AKAP12: variants seen among roughly 807,000 people sequenced by gnomAD.
The protein encoded by AKAP12 is A-kinase anchoring protein 12.
AKAP12 carries 32 observed loss-of-function variants against 79.9 expected under a neutral mutation model. The ratio of observed to expected loss-of-function variants is 0.40; its 90% CI spans 0.30 to 0.54. The LOEUF is 0.54. Among genes scored for constraint, AKAP12 ranks in the 20% least tolerant of loss-of-function variants. The pLI is 0.48. For synonymous variants in AKAP12, 808 were observed against 857.0 expected (o/e 0.94, Z 1.00); for missense variants, 2,074 against 2,177.0 (o/e 0.95, Z 0.94).
intron 2 of AKAP12, among the ~76,000 whole-genome samples, chr6:151,273,265 G>C (rs1284575851): frequency 1.3e-5 from 2 of 152,200 alleles, no homozygotes; most frequent in East Asian, 3.9e-4. Context: ...ATGGTGCGGT[G>C]ATAGTGAGTC....
intron 3 of AKAP12, among the ~76,000 whole-genome samples, chr6:151,319,304 A>G (rs1777307284): frequency 6.6e-6 from 1 of 151,866 alleles, no homozygotes; most frequent in Non-Finnish European, 1.5e-5. Context: ...ATATTTATCT[A>G]TGTGCATAGC....
intron 2 of AKAP12, among the ~76,000 whole-genome samples, chr6:151,268,950 T>TTTTTTG (rs1776114891): frequency 1.9e-5 from 1 of 52,216 alleles, no homozygotes; most frequent in African/African-American, 1.2e-4. Flanking sequence ...GGCCTGTTTT[T>TTTTTTG]TTTTTTTTTT....
chr6:151,343,213 G>A lies in AKAP12; in HGVS notation c.320-5498G>A, dbSNP rs369123487. Reference sequence around the variant, plus strand: ...AGAGTGGAGGGAAAATAGTGAGGGGGAAATGGTTGTGTGACACCAGCTTTC... The same window carrying A: ...AGAGTGGAGGGAAAATAGTGAGGGGAAAATGGTTGTGTGACACCAGCTTTC... On this transcript the variant is annotated intron_variant, in intron 3 of 4. Transcript: ENST00000402676. Among the ~76,000 whole-genome samples, 70 of 152,244 alleles carry A rather than the reference G, an allele frequency of 4.6e-4. 1 individual carries two copies. The South Asian group carries it at 0.014, about 31-fold the overall frequency.
intron 2 of AKAP12, among the ~76,000 whole-genome samples, chr6:151,278,239 G>A (rs558485018): frequency 1.2e-4 from 19 of 152,104 alleles, no homozygotes; most frequent in African/African-American, 3.4e-4. Flanking sequence ...TTTTTGAGAC[G>A]GAGTCTCACT....
Position 151,352,598 on chromosome 6 carries a change from G to A in AKAP12, c.4207G>A (p.Glu1403Lys). ...AAGCCCTCCTCCCTGCCTAGGTCAA[G>A]AGGAGGCAGTATGCACCAAAATTCA... is the stretch of plus-strand genomic sequence containing the variant. ...EGSPPPCLGQ[E>K]EAVCTKIQVQ... The change falls in exon 4 of 5, where the codon GAG becomes AAG. Residue 1403 changes from glutamate (E) to lysine (K), a missense_variant. Glu to Lys is a moderately conservative substitution (Grantham distance 56, BLOSUM62 1). This residue lies in a region of AKAP12 where 614 missense variants were observed against 665.6 expected (regional missense o/e 0.92). Transcript: ENST00000402676. 6.2e-7 allele frequency: 1 copy of A among 1,614,200 alleles called. No individual in the cohort carries two copies. Among genetic ancestry groups the A allele is most frequent in the South Asian group, 1.1e-5 (1 of 91,080 alleles).
Position 151,352,008 on chromosome 6 carries a change from CAG to C in AKAP12, c.3618_3619del (p.Gly1208HisfsTer26). 5 of 1,614,036 alleles carry C rather than the reference CAG, an allele frequency of 3.1e-6. No individual in the cohort carries two copies. Among genetic ancestry groups the C allele is most frequent in the Non-Finnish European group, 4.2e-6 (5 of 1,180,024 alleles). On this transcript the variant is annotated frameshift_variant, in exon 4 of 5. Coordinates refer to ENST00000402676, the MANE Select transcript of AKAP12 (RefSeq NM_005100.4). LOFTEE classifies it low-confidence loss of function (END_TRUNC). ...AATGAGGTCGCATCTGGTACCCAGT[CAG>C]GGGGCACAGAAGCAGAGGCAGTTCC...
intron 3 of AKAP12, among the ~76,000 whole-genome samples, chr6:151,328,598 C>T (rs971277284): frequency 4.0e-5 from 6 of 149,104 alleles, no homozygotes; most frequent in Non-Finnish European, 7.4e-5. Flanking sequence ...GATTGTGCCA[C>T]TGCACTCCAG....
Position 151,240,649 on chromosome 6 carries a change from C to T in AKAP12, c.87C>T (p.Gly29=). ...CGCCGGCTGAGCCCGAGCCCAGCGG[C>T]GGCGGCCCCTCGGCCGAGGCGGCGC... The part of the protein sequence containing the change: ...SSTPAEPEPS[G]GGPSAEAAPD... The change falls in exon 2 of 5, where the codon GGC becomes GGT. Residue 29 remains glycine, a synonymous_variant. Transcript: ENST00000402676. The T allele has an allele frequency of 3.0e-6, 4 of 1,334,032 alleles. No individual in the cohort carries two copies. The highest frequency in any genetic ancestry group is 3.8e-6 in the Non-Finnish European group (4 of 1,046,236). The allele number at this position is 1,334,032 out of a possible 1,614,324, so 82.6% of individuals were successfully genotyped here.
chr6:151,290,493 C>G (rs933749199), intron 2 of AKAP12, among the ~76,000 whole-genome samples: 1 of 152,156 alleles, frequency 6.6e-6, no homozygotes, highest in African/African-American at 2.4e-5. Context: ...AGCAGATTGA[C>G]CCCTGACAAT....
Position 151,352,825 on chromosome 6 carries a change from C to G in AKAP12, c.4434C>G (p.Asp1478Glu), listed in dbSNP as rs535845390. ...AAGATGCTGTGCCCACAGGGCCCGA[C>G]TGTCAGGCAAAATCGACACCAGTGA... is the stretch of plus-strand genomic sequence containing the variant. The part of the protein sequence containing the change: ...PGEDAVPTGP[D>E]CQAKSTPVIV... The change falls in exon 4 of 5, where the codon GAC becomes GAG. Residue 1478 changes from aspartate to glutamate, a missense_variant. By Grantham distance (45) the Asp-to-Glu change is conservative. Around this residue, in one of 3 missense-constraint regions of AKAP12, gnomAD observed 614 missense variants for 665.6 expected, o/e 0.92. Transcript: ENST00000402676. The G allele has an allele frequency of 6.2e-7, 1 of 1,614,210 alleles. No homozygotes were observed. The highest frequency in any genetic ancestry group is 1.3e-5 in the African/African-American group (1 of 75,046).
At chr6:151,333,584 C>G (rs1421545125) in intron 3 of AKAP12, among the ~76,000 whole-genome samples, 1 of 151,842 alleles carries the variant, frequency 6.6e-6, no homozygotes, top group Non-Finnish European at 1.5e-5. Flanking sequence ...AACTCTGTTT[C>G]TACTAAAAAT....
chr6:151,332,018 T>C (rs1777685152), intron 3 of AKAP12, among the ~76,000 whole-genome samples: 1 of 135,784 alleles, frequency 7.4e-6, no homozygotes, highest in Non-Finnish European at 1.5e-5. Context: ...GAGTAGCACG[T>C]CCAGTTCTGG....
chr6:151,326,116 A>C (rs1212449699), intron 3 of AKAP12, among the ~76,000 whole-genome samples: 1 of 152,166 alleles, frequency 6.6e-6, no homozygotes, highest in African/African-American at 2.4e-5. Context: ...GCTGAGCTGG[A>C]ATCTTCTTGA....
At chr6:151,246,284 G>A (rs1797073889) in intron 2 of AKAP12, among the ~76,000 whole-genome samples, 1 of 152,174 alleles carries the variant, frequency 6.6e-6, no homozygotes. Flanking sequence ...TGGGTGTGGT[G>A]GCAGGTGCCT....
chr6:151,242,979 T>A (rs1224047012), intron 2 of AKAP12, among the ~76,000 whole-genome samples: 4 of 152,216 alleles, frequency 2.6e-5, no homozygotes, highest in Admixed American at 2.6e-4. Context: ...ATCATTTCAT[T>A]ATCACGTGAG....
At chr6:151,242,626 T>C (rs1348729426) in intron 2 of AKAP12, among the ~76,000 whole-genome samples, 1 of 152,256 alleles carries the variant, frequency 6.6e-6, no homozygotes, top group Non-Finnish European at 1.5e-5. Context: ...CTCAGCACCA[T>C]GGCCCTTGCC....
chr6:151,316,322 C>G (rs1777233611), intron 3 of AKAP12, among the ~76,000 whole-genome samples: 1 of 152,202 alleles, frequency 6.6e-6, no homozygotes, highest in Non-Finnish European at 1.5e-5. Context: ...ATTGAGTGAA[C>G]TGGTTGCTTT....
intron 3 of AKAP12, chr6:151,325,330 G>T: frequency 1.0e-6 from 1 of 985,424 alleles, no homozygotes; most frequent in African/African-American, 1.7e-5. Flanking sequence ...TCCTTGAAAT[G>T]ACTTAAAAAG....
intron 2 of AKAP12, among the ~76,000 whole-genome samples, chr6:151,293,200 G>A (rs917242659): frequency 2.2e-4 from 34 of 152,190 alleles, no homozygotes; most frequent in Admixed American, 5.2e-4. Context: ...ACCAAATGAG[G>A]ATTCTTTTGA....
Sources: gnomAD v4.1 joint callset for allele counts (sites outside exome capture counted in the v4.1 genomes callset) on GRCh38, gnomAD v4.1.1 for gene constraint, gnomAD v4.1.1 regional missense constraint, MANE v1.5 for transcripts, NCBI Gene and HGNC (gene_info 2026-07-23, HGNC 2026-07-21) for gene names.